Variants in ZNF816 observed in about 807,000 individuals in gnomAD.
ZNF816 encodes zinc finger protein 816A.
Under a neutral mutation model 8.3 loss-of-function variants are expected in ZNF816, and 11 were observed. The observed-to-expected ratio is 1.32, with a 90% CI of 0.83 to 2.19. The LOEUF (loss-of-function observed/expected upper bound fraction) is 2.19. ZNF816 is among the 30% of genes most tolerant of loss of function. The probability of loss-of-function intolerance (pLI) is 0.00; values close to 1 mark genes in which losing one functional copy is unlikely to be tolerated. For synonymous variants in ZNF816, 255 were observed against 254.5 expected (o/e 1.00, Z -0.02); for missense variants, 710 against 779.3 (o/e 0.91, Z 1.06).
chr19:52,953,043 T>C (rs2083473298), intron 2 of ZNF816, among the ~76,000 whole-genome samples, 166 bp from the exon 3 acceptor site: 1 of 152,144 alleles, frequency 6.6e-6, no homozygotes, highest in Admixed American at 6.6e-5. Flanking sequence ...TGCATTTTAT[T>C]GTACTTTTTC....
rs148242433 is a variant in ZNF816 at position 52,957,444 on chromosome 19, G to C, written c.-15-1340C>G. 2.3e-3 allele frequency among the ~76,000 whole-genome samples: 354 copies of C among 152,282 alleles called. 2 individuals are homozygous for C. Among genetic ancestry groups the C allele is most frequent in the African/African-American group, 8.3e-3 (345 of 41,552 alleles). ...AAGAAATAGGATATTAGAAGGACAA[G>C]TGCCCTCAGCTAAAAGGAAAACAAG... On this transcript the variant is annotated intron_variant, in intron 1 of 3. Coordinates refer to ENST00000444460, the MANE Select transcript of ZNF816 (RefSeq NM_001202457.3). The surrounding 1 kb of genome is among the most constrained non-coding windows in gnomAD (Gnocchi z 4.6).
intron 1 of ZNF816, among the ~76,000 whole-genome samples, chr19:52,959,142 T>C (rs969909615): frequency 6.6e-6 from 1 of 152,224 alleles, no homozygotes; most frequent in African/African-American, 2.4e-5. Context: ...GCAACTGCCC[T>C]GCTGGCAGAA....
At chr19:52,958,989 C>T (rs141948083) in intron 1 of ZNF816, among the ~76,000 whole-genome samples, 1,544 of 152,292 alleles carry the variant, frequency 0.01, 13 homozygotes, top group Middle Eastern at 0.041. Context: ...AAGCCTTTTA[C>T]GCTGTATGTT....
In ZNF816 at chr19:52,957,091, T is replaced by C. The variant is rs2083517011; in HGVS notation, c.-15-987A>G. On this transcript the variant is annotated intron_variant, in intron 1 of 3. Coordinates refer to ENST00000444460, the MANE Select transcript of ZNF816 (RefSeq NM_001202457.3). This position sits in a 1 kb window ranked among gnomAD's most constrained non-coding sequence, Gnocchi z 4.6. ...CCTTAAAAGGGCCAGGAATTTCTTT[T>C]TCAGGGAGCTCAGTTCTTGAGACAC... Among the ~76,000 whole-genome samples the C allele has an allele frequency of 1.3e-5, 2 of 152,194 alleles. No homozygotes were observed. Among genetic ancestry groups the C allele is most frequent in the African/African-American group, 4.8e-5 (2 of 41,454 alleles).
chr19:52,951,500 CTTT>C lies in ZNF816; in HGVS notation c.272_274del (p.Gln91del). 1 of 1,613,296 alleles carries C rather than the reference CTTT, an allele frequency of 6.2e-7. No individual in the cohort carries two copies. Among genetic ancestry groups the C allele is most frequent in the Non-Finnish European group, 8.5e-7 (1 of 1,179,516 alleles). ...ATCTCCAATGTGATGACTTTTATGT[CTTT>C]GCAACGTCCCTGTGTGGATCACTTC... On this transcript the variant is annotated inframe_deletion, in exon 4 of 4. Coordinates refer to ENST00000444460, the MANE Select transcript of ZNF816 (RefSeq NM_001202457.3).
Position 52,950,261 on chromosome 19 carries a change from C to A in ZNF816, c.1514G>T (p.Gly505Val), listed in dbSNP as rs1320348343. ...NLARHHRLHA[G>V]EKPYKCEECD... ...TTCTTCACATTTGTAAGGTTTCTCT[C>A]CAGCATGAAGTCTATGATGACGTGC... The change falls in exon 4 of 4, where the codon GGA becomes GTA. Residue 505 changes from glycine to valine, a missense_variant. Physicochemically the swap from Gly to Val is moderately radical, Grantham distance 109. Coordinates refer to ENST00000444460, the MANE Select transcript of ZNF816 (RefSeq NM_001202457.3). The A allele has an allele frequency of 1.9e-6, 3 of 1,613,238 alleles. No homozygotes were observed. The East Asian group carries it at 6.7e-5, about 36-fold the overall frequency.
chr19:52,953,804 C>T (rs1252368278), intron 2 of ZNF816, among the ~76,000 whole-genome samples: 1 of 146,458 alleles, frequency 6.8e-6, no homozygotes, highest in African/African-American at 2.5e-5. Context: ...CTTTGGGAGA[C>T]CAAGGTGGGT....
intron 1 of ZNF816, among the ~76,000 whole-genome samples, chr19:52,958,345 T>C (rs1433569706): frequency 6.6e-6 from 1 of 152,190 alleles, no homozygotes; most frequent in Non-Finnish European, 1.5e-5. Context: ...TGAAAGACAC[T>C]TTCTTTAGCA....
At chr19:52,953,348 G>C in intron 2 of ZNF816, 1 of 310,322 alleles carries the variant, frequency 3.2e-6, no homozygotes, top group Non-Finnish European at 6.6e-6. Flanking sequence ...AGCCAAGATC[G>C]TGCCATTGCA....
At chr19:52,959,515 A>G (rs761084910) in intron 1 of ZNF816, among the ~76,000 whole-genome samples, 2 of 152,186 alleles carry the variant, frequency 1.3e-5, no homozygotes, top group Non-Finnish European at 2.9e-5. Flanking sequence ...ATGCGGTAGT[A>G]ACCCTGGACA....
chr19:52,955,082 T>C (rs2083498149), intron 2 of ZNF816, among the ~76,000 whole-genome samples: 1 of 152,140 alleles, frequency 6.6e-6, no homozygotes, highest in Non-Finnish European at 1.5e-5. Context: ...AGAAAAAGAA[T>C]GGCTCCATCC....
At chr19:52,955,890 G>A (rs2083505813) in intron 2 of ZNF816, 137 bp downstream of exon 2, 1 of 1,119,720 alleles carries the variant, frequency 8.9e-7, no homozygotes, top group African/African-American at 1.6e-5. Context: ...AGATGAGAGG[G>A]ACTGAGAAAA....
chr19:52,953,542 A>T (rs1180422429), intron 2 of ZNF816, among the ~76,000 whole-genome samples: 5 of 45,092 alleles, frequency 1.1e-4, no homozygotes, highest in Non-Finnish European at 1.8e-4. Context: ...ATAATATATA[A>T]TACAATATTA....
chr19:52,956,333 C>T, intron 1 of ZNF816: 1 of 447,554 alleles, frequency 2.2e-6, no homozygotes, highest in Non-Finnish European at 4.0e-6. Context: ...ACACACGCTG[C>T]AGCAGGACAC....
intron 1 of ZNF816, among the ~76,000 whole-genome samples, chr19:52,960,377 C>A (rs1568441160): frequency 6.6e-6 from 1 of 152,192 alleles, no homozygotes. Flanking sequence ...AGCTCATGTG[C>A]TTCTTCGAGA....
At chr19:52,955,729 T>C (rs1266445927) in intron 2 of ZNF816, among the ~76,000 whole-genome samples, 1 of 152,172 alleles carries the variant, frequency 6.6e-6, no homozygotes, top group East Asian at 1.9e-4. Flanking sequence ...ATGTGGCCCC[T>C]GAACAATCCC....
rs2083443217 is a variant in ZNF816 at position 52,950,232 on chromosome 19, C to G, written c.1543G>C (p.Asp515His). 6.2e-7 allele frequency: 1 copy of G among 1,613,760 alleles called. No individual in the cohort carries two copies. The highest frequency in any genetic ancestry group is 1.7e-5 in the Admixed American group (1 of 59,972). ...GEKPYKCEEC[D>H]KVFSRRSHLE... ...TGTGATCTGCGACTGAAAACTTTGT[C>G]ACATTCTTCACATTTGTAAGGTTTC... Residue 515 changes from aspartate to histidine, a missense_variant, in exon 4 of 4, where the codon GAC becomes CAC. Physicochemically the swap from Asp to His is moderately conservative, Grantham distance 81. Coordinates refer to ENST00000444460, the MANE Select transcript of ZNF816 (RefSeq NM_001202457.3).
chr19:52,950,274 T>C lies in ZNF816; in HGVS notation c.1501A>G (p.Arg501Gly), dbSNP rs757092285. ...TAAGGTTTCTCTCCAGCATGAAGTC[T>C]ATGATGACGTGCAAGGTTTTCTCTT... ...SRRENLARHH[R>G]LHAGEKPYKC... The change falls in exon 4 of 4, where the codon AGA (arginine) becomes GGA (glycine). Residue 501 changes from arginine to glycine, a missense_variant. Transcript: ENST00000444460. 1 of 1,613,790 alleles carries C rather than the reference T, an allele frequency of 6.2e-7. No individual in the cohort carries two copies. The highest frequency in any genetic ancestry group is 2.2e-5 in the East Asian group (1 of 44,826).
chr19:52,958,834 T>G (rs2083532191), intron 1 of ZNF816, among the ~76,000 whole-genome samples: 1 of 152,126 alleles, frequency 6.6e-6, no homozygotes. Flanking sequence ...TCCCAAACTT[T>G]GTAGTACTGG....
Sources: allele counts gnomAD v4.1 joint callset (sites outside exome capture counted in the v4.1 genomes callset), GRCh38; gene constraint gnomAD v4.1.1; non-coding constraint Gnocchi (gnomAD v3.1); transcripts MANE v1.5; gene names NCBI Gene and HGNC (gene_info 2026-07-23, HGNC 2026-07-21).